Variants in MYO16 observed in about 807,000 individuals in gnomAD.
MYO16 encodes myosin XVI, also known as unconventional myosin-XVI.
A neutral mutation model predicts 205.3 loss-of-function variants in MYO16; 94 were observed. That is an observed-to-expected ratio of 0.46 (90% CI 0.39 to 0.54). The LOEUF is 0.54. Among genes scored for constraint, MYO16 ranks in the 20% least tolerant of loss-of-function variants. The pLI is 0.00. For synonymous variants in MYO16, 988 were observed against 954.0 expected, an observed-to-expected ratio of 1.04 and a Z score of -0.66; for missense variants, 2,315 against 2,387.5, an observed-to-expected ratio of 0.97 and a Z score of 0.63.
intron 34 of MYO16, among the ~76,000 whole-genome samples, chr13:109,187,899 T>C (rs1017329970): frequency 6.6e-6 from 1 of 152,226 alleles, no homozygotes; most frequent in African/African-American, 2.4e-5. Context: ...TCCATGTCTC[T>C]GCTGGCTTTC....
chr13:109,134,753 C>G (rs1298383160), intron 31 of MYO16, among the ~76,000 whole-genome samples: 1 of 152,116 alleles, frequency 6.6e-6, no homozygotes, highest in African/African-American at 2.4e-5. Flanking sequence ...GAGCAAACTC[C>G]CTTCTGCCAC....
chr13:108,584,242 G>T, the MYO16 span, among the ~76,000 whole-genome samples: 1 of 152,102 alleles, frequency 6.6e-6, no homozygotes, highest in Non-Finnish European at 1.5e-5. Flanking sequence ...ATGAGGCACC[G>T]CACCCAGCCT....
At chr13:108,904,410 C>T (rs1880860933) in intron 15 of MYO16, among the ~76,000 whole-genome samples, 1 of 152,046 alleles carries the variant, frequency 6.6e-6, no homozygotes, top group Admixed American at 6.6e-5. Context: ...TTAGTTTTAG[C>T]CATACAGTAC....
intron 19 of MYO16, among the ~76,000 whole-genome samples, chr13:108,963,535 C>T (rs1566435160): frequency 6.6e-6 from 1 of 152,188 alleles, no homozygotes; most frequent in Non-Finnish European, 1.5e-5. Context: ...CCTGGTTCCT[C>T]TTTTATCTCA....
chr13:108,607,948 G>A (rs1879022770), intron 1 of MYO16, among the ~76,000 whole-genome samples: 2 of 152,096 alleles, frequency 1.3e-5, no homozygotes, highest in Non-Finnish European at 1.5e-5. Flanking sequence ...TGATCCTACA[G>A]TGCTCTCTCT....
chr13:109,165,472 A>G (rs1878614356), intron 33 of MYO16, among the ~76,000 whole-genome samples: 1 of 152,202 alleles, frequency 6.6e-6, no homozygotes, highest in Non-Finnish European at 1.5e-5. Context: ...TGAGTGCCAC[A>G]TTTAGAAAGT....
chr13:109,138,763 CAA>C (rs1265581439), intron 31 of MYO16, among the ~76,000 whole-genome samples: 1 of 151,998 alleles, frequency 6.6e-6, no homozygotes, highest in African/African-American at 2.4e-5. Flanking sequence ...TCCATCCACA[CAA>C]GTGTTTTTGT....
At chr13:108,874,642 G>T (rs1879231849) in intron 12 of MYO16, among the ~76,000 whole-genome samples, 1 of 151,460 alleles carries the variant, frequency 6.6e-6, no homozygotes, top group Non-Finnish European at 1.5e-5. Context: ...TGCTTGGCAG[G>T]CTTCTCTCAG....
chr13:108,774,518 T>C (rs1294580950), intron 4 of MYO16, among the ~76,000 whole-genome samples: 1 of 152,222 alleles, frequency 6.6e-6, no homozygotes, highest in Non-Finnish European at 1.5e-5. Flanking sequence ...CATTGATTAA[T>C]TTTATTTCTC....
At chr13:108,829,171 G>A (rs759963972) in intron 9 of MYO16, among the ~76,000 whole-genome samples, 13 of 152,258 alleles carry the variant, frequency 8.5e-5, no homozygotes, top group South Asian at 2.1e-4. Flanking sequence ...AACCCTTGGC[G>A]GTTAGCATAA....
chr13:108,989,448 T>C (rs1404441742), intron 20 of MYO16, among the ~76,000 whole-genome samples: 3 of 152,210 alleles, frequency 2.0e-5, no homozygotes, highest in African/African-American at 7.2e-5. Context: ...GCTCACTCTA[T>C]TTCTTTCCAG....
chr13:108,644,366 AT>A (rs1880646851), intron 1 of MYO16, among the ~76,000 whole-genome samples: 2 of 40,816 alleles, frequency 4.9e-5, no homozygotes, highest in South Asian at 4.2e-4. Context: ...CTGTCTGTCT[AT>A]CTATCTATCT....
At chr13:108,540,482 A>G in the MYO16 span, among the ~76,000 whole-genome samples, 10 of 152,248 alleles carry the variant, frequency 6.6e-5, no homozygotes, top group South Asian at 2.1e-3. Context: ...ACTGAGGAAC[A>G]CACTGAGTGA....
chr13:109,030,239 A>G (rs995221911), intron 23 of MYO16, among the ~76,000 whole-genome samples: 1 of 152,174 alleles, frequency 6.6e-6, no homozygotes, highest in African/African-American at 2.4e-5. Context: ...GCTTATAAAT[A>G]TTGATGATAT....
intron 16 of MYO16, among the ~76,000 whole-genome samples, chr13:108,954,152 T>C (rs1330877427): frequency 6.6e-6 from 1 of 152,094 alleles, no homozygotes; most frequent in Non-Finnish European, 1.5e-5. Flanking sequence ...AAAAGTAAAA[T>C]AAAATGGAGG....
At position 108,735,994 on chromosome 13, in the gene MYO16, G is replaced by GT. The variant is rs34415940; in HGVS notation, c.507+8419dup. Among the ~76,000 whole-genome samples the GT allele has an allele frequency of 2.6e-4, 39 of 151,584 alleles. No homozygotes were observed. The South Asian group carries it at 4.0e-3, about 15-fold the overall frequency. ...TGCCCACTTTTTGATGGGGTTGTTT[G>GT]TTTTTTTTCTTGTAAATTTGTTTGA... On this transcript the variant is annotated intron_variant, in intron 4 of 34. Coordinates refer to ENST00000457511, the MANE Select transcript of MYO16 (RefSeq NM_001198950.3).
chr13:108,908,109 ATT>A (rs2139228791), intron 15 of MYO16, among the ~76,000 whole-genome samples: 1 of 152,320 alleles, frequency 6.6e-6, no homozygotes, highest in East Asian at 1.9e-4. Flanking sequence ...TTGCCACCTA[ATT>A]GATTCTCATA....
intron 16 of MYO16, among the ~76,000 whole-genome samples, chr13:108,927,603 T>A (rs1882067608): frequency 6.6e-6 from 1 of 152,210 alleles, no homozygotes; most frequent in South Asian, 2.1e-4. Flanking sequence ...ATATTTTACA[T>A]GATTTTTGAA....
intron 28 of MYO16, among the ~76,000 whole-genome samples, chr13:109,112,618 G>A (rs755954207): frequency 5.3e-5 from 8 of 152,022 alleles, no homozygotes; most frequent in Non-Finnish European, 7.4e-5. Context: ...AGCCAGGCAC[G>A]GTGGCGCATG....
Sources: gnomAD v4.1 joint callset for allele counts (sites outside exome capture counted in the v4.1 genomes callset) on GRCh38, gnomAD v4.1.1 for gene constraint, MANE v1.5 for transcripts, NCBI Gene and HGNC (gene_info 2026-07-23, HGNC 2026-07-21) for gene names.